SIPA1L2: variants seen among roughly 807,000 people sequenced by gnomAD.
SIPA1L2 encodes the protein signal induced proliferation associated 1 like 2, also known as signal-induced proliferation-associated 1-like protein 2.
A neutral mutation model predicts 163.9 loss-of-function variants in SIPA1L2; 56 were observed. The observed-to-expected ratio is 0.34, with a 90% CI of 0.28 to 0.43. SIPA1L2 has a LOEUF of 0.43. Among genes scored for constraint, SIPA1L2 ranks in the 20% least tolerant of loss-of-function variants. The pLI is 1.00. For synonymous variants in SIPA1L2, 877 were observed against 865.7 expected (o/e 1.01, Z -0.23); for missense variants, 1,974 against 2,193.5 (o/e 0.90, Z 2.00).
At chr1:232,459,404 T>C (rs182629199) in intron 10 of SIPA1L2, among the ~76,000 whole-genome samples, 1 of 152,290 alleles carries the variant, frequency 6.6e-6, no homozygotes, top group Non-Finnish European at 1.5e-5. Context: ...GGAGAGAGTA[T>C]GACCTAGGTT....
intron 22 of SIPA1L2, among the ~76,000 whole-genome samples, chr1:232,402,083 G>A (rs572890001): frequency 2.6e-5 from 4 of 152,274 alleles, no homozygotes; most frequent in Admixed American, 6.5e-5. Flanking sequence ...CAGAGTTGGC[G>A]CAACTGATAA....
intron 20 of SIPA1L2, 81 bp downstream of exon 20, chr1:232,404,044 C>A (rs184084304): frequency 2.7e-6 from 4 of 1,509,148 alleles, no homozygotes; most frequent in African/African-American, 2.7e-5. Context: ...GCGTGAATAA[C>A]CATGCAGACG....
At chr1:232,407,524 T>C (rs1006940368) in intron 19 of SIPA1L2, among the ~76,000 whole-genome samples, 1 of 152,246 alleles carries the variant, frequency 6.6e-6, no homozygotes, top group East Asian at 1.9e-4. Context: ...CTTTGAATTT[T>C]TGGAAAATAC....
intron 10 of SIPA1L2, among the ~76,000 whole-genome samples, chr1:232,451,516 C>A (rs1040980221): frequency 6.6e-6 from 1 of 152,122 alleles, no homozygotes; most frequent in Non-Finnish European, 1.5e-5. Flanking sequence ...AAACCTAGCA[C>A]AAAAAGACAT....
chr1:232,452,897 A>G (rs2102894545), intron 10 of SIPA1L2, among the ~76,000 whole-genome samples: 1 of 152,366 alleles, frequency 6.6e-6, no homozygotes, highest in East Asian at 1.9e-4. Context: ...TAAAATATGT[A>G]AACTTCCTCA....
At chr1:232,560,035 TCTG>T (rs1658942596) in intron 2 of SIPA1L2, among the ~76,000 whole-genome samples, 2 of 152,258 alleles carry the variant, frequency 1.3e-5, no homozygotes, top group Admixed American at 1.3e-4. Flanking sequence ...CCCTGCCTAA[TCTG>T]CTCTCTCTCT....
At position 232,493,659 on chromosome 1, in the gene SIPA1L2, C is replaced by A. The variant is rs367614664; in HGVS notation, c.1485G>T (p.Glu495Asp). The change falls in exon 4 of 23, where the codon GAG becomes GAT. Residue 495 changes from glutamate (E) to aspartate (D), a missense_variant and splice_region_variant. Around this residue, in one of 3 missense-constraint regions of SIPA1L2, gnomAD observed 607 missense variants for 624.0 expected, o/e 0.97. Coordinates refer to ENST00000674635, the MANE Select transcript of SIPA1L2 (RefSeq NM_020808.5). ...YYYRKFFYGK[E>D]HQNYFGIDEN... Reference sequence around the variant, plus strand: ...CATCTATTCCAAAGTAGTTTTGGTGCTCTATAATGGAAGAGAGAGGGTGGC... The same window carrying A: ...CATCTATTCCAAAGTAGTTTTGGTGATCTATAATGGAAGAGAGAGGGTGGC... 5 of 1,613,788 alleles carry A rather than the reference C, an allele frequency of 3.1e-6. No homozygotes were observed. The African/African-American group carries it at 5.3e-5, about 17-fold the overall frequency.
At chr1:232,518,318 T>C (rs1667302108) in intron 2 of SIPA1L2, among the ~76,000 whole-genome samples, 1 of 152,168 alleles carries the variant, frequency 6.6e-6, no homozygotes, top group Non-Finnish European at 1.5e-5. Context: ...TGAATTGCTT[T>C]GGAGAATCAT....
chr1:232,502,705 T>C (rs1182454042), intron 3 of SIPA1L2, among the ~76,000 whole-genome samples: 2 of 152,212 alleles, frequency 1.3e-5, no homozygotes, highest in Non-Finnish European at 2.9e-5. Flanking sequence ...GCATCACACC[T>C]GCAGACTCAC....
chr1:232,521,724 G>A (rs1667467830), intron 2 of SIPA1L2, among the ~76,000 whole-genome samples: 1 of 152,160 alleles, frequency 6.6e-6, no homozygotes, highest in Non-Finnish European at 1.5e-5. Context: ...ATTCTCATTT[G>A]TCTCTTTTGG....
intron 2 of SIPA1L2, among the ~76,000 whole-genome samples, chr1:232,516,216 A>G (rs1160804640): frequency 6.6e-6 from 1 of 152,234 alleles, no homozygotes; most frequent in Non-Finnish European, 1.5e-5. Context: ...CTTGTAGTCA[A>G]ATTAGAACTC....
chr1:232,571,463 T>C (rs193063257), intron 2 of SIPA1L2, among the ~76,000 whole-genome samples: 28 of 152,350 alleles, frequency 1.8e-4, no homozygotes, highest in African/African-American at 6.7e-4. Flanking sequence ...TATGCTCCAT[T>C]TTATACATTT....
chr1:232,605,951 C>G (rs1661895828), intron 1 of SIPA1L2, among the ~76,000 whole-genome samples: 2 of 152,210 alleles, frequency 1.3e-5, no homozygotes, highest in African/African-American at 4.8e-5. Context: ...GCACACACAG[C>G]ACATTCTAAC....
chr1:232,424,360 T>C (rs1661766510), intron 18 of SIPA1L2, among the ~76,000 whole-genome samples: 1 of 117,888 alleles, frequency 8.5e-6, no homozygotes, highest in African/African-American at 3.1e-5. Flanking sequence ...AGGACATACA[T>C]CTTTCACCTG....
At chr1:232,551,818 G>C (rs1257814572) in intron 2 of SIPA1L2, among the ~76,000 whole-genome samples, 1 of 152,218 alleles carries the variant, frequency 6.6e-6, no homozygotes, top group African/African-American at 2.4e-5. Flanking sequence ...TTTTCCATGA[G>C]AACAATAAGG....
rs141201696 is a variant in SIPA1L2, at chr1:232,460,452, G to T, written c.3095+435C>A. ...ACATTCTTTCATACCTACAACTATTGGTCTGTTAAATATTTTTTAAATAAT... is the reference window on the plus strand; with the variant it reads ...ACATTCTTTCATACCTACAACTATTTGTCTGTTAAATATTTTTTAAATAAT... On this transcript the variant is annotated intron_variant, in intron 10 of 22. Coordinates refer to ENST00000674635, the MANE Select transcript of SIPA1L2 (RefSeq NM_020808.5). Among the ~76,000 whole-genome samples the T allele has an allele frequency of 2.4e-3, 369 of 152,074 alleles. 1 individual carries two copies. Among genetic ancestry groups the T allele is most frequent in the African/African-American group, 8.5e-3 (352 of 41,450 alleles).
chr1:232,438,701 G>A (rs1558177283), intron 15 of SIPA1L2, among the ~76,000 whole-genome samples: 1 of 152,208 alleles, frequency 6.6e-6, no homozygotes, highest in Non-Finnish European at 1.5e-5. Flanking sequence ...ATGCCCTCAC[G>A]GCAGGGAGCT....
chr1:232,425,562 C>A, intron 18 of SIPA1L2, 27 bp downstream of exon 18: 1 of 1,528,134 alleles, frequency 6.5e-7, no homozygotes, highest in Non-Finnish European at 8.8e-7. Context: ...TCGGCGCTGG[C>A]CAGGGAGCAG....
chr1:232,484,073 A>G, intron 5 of SIPA1L2, 107 bp from the exon 6 acceptor site: 1 of 1,050,550 alleles, frequency 9.5e-7, no homozygotes, highest in Admixed American at 2.8e-5. Flanking sequence ...AAAGCATGCC[A>G]GAACAATTCC....
Sources: allele counts gnomAD v4.1 joint callset (sites outside exome capture counted in the v4.1 genomes callset), GRCh38; gene constraint gnomAD v4.1.1; regional missense constraint gnomAD v4.1.1; transcripts MANE v1.5; gene names NCBI Gene and HGNC (gene_info 2026-07-23, HGNC 2026-07-21).